Variants in DTD2 observed in about 807,000 individuals in gnomAD.
The protein encoded by DTD2 is D-aminoacyl-tRNA deacylase 2, also known as D-tyrosyl-tRNA deacylase 2 (putative).
Under a neutral mutation model 15.5 loss-of-function variants are expected in DTD2, and 12 were observed. The observed-to-expected ratio is 0.77, with a 90% CI of 0.50 to 1.25. The LOEUF is 1.25. DTD2 is among the 50% of genes most tolerant of loss of function. The pLI is 0.00. For synonymous variants in DTD2, 59 were observed against 77.3 expected, an observed-to-expected ratio of 0.76 and a Z score of 1.24; for missense variants, 170 against 201.1, an observed-to-expected ratio of 0.85 and a Z score of 0.93.
In DTD2 at chr14:31,447,805, G is replaced by A; in HGVS notation, c.*324C>T. The A allele has an allele frequency of 5.2e-6, 1 of 190,556 alleles. No homozygotes were observed. Among genetic ancestry groups the A allele is most frequent in the South Asian group, 1.1e-4 (1 of 8,994 alleles). 11.8% of individuals were successfully genotyped at this position (190,556 alleles called of 1,614,324 possible). ...CACTGCACTCCAGTCTGGCGACAGA[G>A]CAAGACTCCATCTCAAAAAAAAAAC... On this transcript the variant is annotated 3_prime_UTR_variant, in exon 3 of 3. Coordinates refer to ENST00000310850, the MANE Select transcript of DTD2 (RefSeq NM_080664.3).
Position 31,448,378 on chromosome 14 carries a change from G to A in DTD2, c.258C>T (p.Asn86=), listed in dbSNP as rs749193818. ...GGGTAGCTTGAGGGATAATAAGAAT[G>A]TTGCCAGGTAGATCCAATATAGAGA... ...KHVSILDLPG[N]ILIIPQATLG... The change falls in exon 3 of 3, where the codon AAC becomes AAT. Residue 86 remains asparagine, a synonymous_variant. Transcript: ENST00000310850. The A allele has an allele frequency of 6.2e-7, 1 of 1,614,184 alleles. No homozygotes were observed. The highest frequency in any genetic ancestry group is 1.7e-5 in the Admixed American group (1 of 60,034).
intron 2 of DTD2, among the ~76,000 whole-genome samples, chr14:31,449,234 G>A (rs1032415601): frequency 6.6e-5 from 10 of 152,262 alleles, no homozygotes; most frequent in East Asian, 3.9e-4. Flanking sequence ...CAATTTTAGC[G>A]CAGTTATTAT....
At chr14:31,448,961 T>G (rs554831746) in intron 2 of DTD2, among the ~76,000 whole-genome samples, 2 of 152,350 alleles carry the variant, frequency 1.3e-5, no homozygotes, top group South Asian at 4.1e-4. Context: ...TGGCGTGATC[T>G]CTGCTCACTG....
intron 2 of DTD2, among the ~76,000 whole-genome samples, chr14:31,449,689 G>C (rs2032007436): frequency 6.6e-6 from 1 of 152,152 alleles, no homozygotes; most frequent in African/African-American, 2.4e-5. Context: ...CCTCTATAAA[G>C]GTATACATGA....
intron 2 of DTD2, chr14:31,452,112 G>T (rs926322246): frequency 9.2e-5 from 14 of 152,146 alleles, no homozygotes; most frequent in African/African-American, 2.9e-4. Context: ...AGGAGGTGTG[G>T]CTGTGATGAC....
Position 31,448,186 on chromosome 14 carries a change from G to C in DTD2, c.450C>G (p.Asn150Lys). 6.2e-7 allele frequency: 1 copy of C among 1,614,124 alleles called. No individual in the cohort carries two copies. The change falls in exon 3 of 3, where the codon AAC (asparagine) becomes AAG (lysine). Residue 150 changes from asparagine (N) to lysine (K), a missense_variant. By Grantham distance (94) the Asn-to-Lys change is moderately conservative. Coordinates refer to ENST00000310850, the MANE Select transcript of DTD2 (RefSeq NM_080664.3). ...RVVVEHGTYG[N>K]RQVLKLDTNG... ...TGGTGTCCAGCTTTAACACCTGCCT[G>C]TTCCCATAAGTGCCATGTTCCACTA...
Position 31,453,256 on chromosome 14 carries a change from A to G in DTD2, c.181+19T>C, listed in dbSNP as rs1475060950. 6 of 1,613,438 alleles carry G rather than the reference A, an allele frequency of 3.7e-6. No homozygotes were observed. In the South Asian group the frequency reaches 5.5e-5, roughly 15 times the overall value. On this transcript the variant is annotated intron_variant, in intron 2 of 2. Coordinates refer to ENST00000310850, the MANE Select transcript of DTD2 (RefSeq NM_080664.3). The stretch of plus-strand genomic sequence containing the variant: ...CTTGGCCTCTCACTCTTAAAAAAGA[A>G]ACAAAGTCAAACACATACCCATTTT...
At chr14:31,457,204 G>A in intron 1 of DTD2, 79 bp downstream of exon 1, 1 of 1,316,470 alleles carries the variant, frequency 7.6e-7, no homozygotes, top group Non-Finnish European at 1.1e-6. Flanking sequence ...GAGACACAGA[G>A]CGGACGAGTC....
chr14:31,455,186 AAGAT>A (rs1412656519), intron 1 of DTD2, among the ~76,000 whole-genome samples: 1 of 152,216 alleles, frequency 6.6e-6, no homozygotes, highest in African/African-American at 2.4e-5. Context: ...CAACATAAAA[AAGAT>A]AAATAAGCAT....
intron 2 of DTD2, chr14:31,451,974 A>G (rs1428087124): frequency 6.6e-6 from 1 of 152,206 alleles, no homozygotes; most frequent in African/African-American, 2.4e-5. Context: ...TGCTATAGCT[A>G]TGTGAGATAG....
intron 2 of DTD2, among the ~76,000 whole-genome samples, chr14:31,451,158 T>TTC (rs929804824): frequency 6.7e-6 from 1 of 150,230 alleles, no homozygotes; most frequent in African/African-American, 2.5e-5. Context: ...TTTTTTTTTT[T>TTC]TTTTTTTGAG....
intron 1 of DTD2, 179 bp downstream of exon 1, chr14:31,457,104 G>T (rs1231101328): frequency 3.3e-6 from 2 of 604,688 alleles, no homozygotes; most frequent in South Asian, 3.8e-5. Flanking sequence ...GGTGATGCTG[G>T]ACCGAAAAGA....
At chr14:31,455,176 C>T (rs1566797515) in intron 1 of DTD2, among the ~76,000 whole-genome samples, 1 of 151,924 alleles carries the variant, frequency 6.6e-6, no homozygotes, top group Non-Finnish European at 1.5e-5. Context: ...GTAGCCTGAA[C>T]AACATAAAAA....
intron 1 of DTD2, among the ~76,000 whole-genome samples, chr14:31,456,046 A>C (rs1278456759): frequency 6.6e-6 from 1 of 152,244 alleles, no homozygotes; most frequent in African/African-American, 2.4e-5. Context: ...ACAGGGCAAC[A>C]GATTCTGATT....
In DTD2 at chr14:31,447,553, G is replaced by C. The variant is rs2031974798; in HGVS notation, c.*576C>G. The C allele has an allele frequency of 6.6e-6, 1 of 152,034 alleles. No homozygotes were observed. The highest frequency in any genetic ancestry group is 2.4e-5 in the African/African-American group (1 of 41,426). 9.4% of individuals were successfully genotyped at this position (152,034 alleles called of 1,614,324 possible). ...AACAACTAAGAGGCCGGGCACGGTG[G>C]CTCATGCCTGTAGTCCCAGCACTTT... On this transcript the variant is annotated 3_prime_UTR_variant, in exon 3 of 3. Coordinates refer to ENST00000310850, the MANE Select transcript of DTD2 (RefSeq NM_080664.3).
intron 2 of DTD2, among the ~76,000 whole-genome samples, chr14:31,450,961 T>A (rs1204961830): frequency 6.6e-6 from 1 of 152,204 alleles, no homozygotes; most frequent in African/African-American, 2.4e-5. Flanking sequence ...CTTTATGAAG[T>A]CAATCTTAAG....
At chr14:31,449,033 A>G (rs2031997835) in intron 2 of DTD2, among the ~76,000 whole-genome samples, 2 of 152,154 alleles carry the variant, frequency 1.3e-5, no homozygotes, top group Admixed American at 6.5e-5. Flanking sequence ...AGCTGGGACT[A>G]CAGGTGCGTG....
At chr14:31,455,783 T>C (rs1182483083) in intron 1 of DTD2, among the ~76,000 whole-genome samples, 1 of 151,606 alleles carries the variant, frequency 6.6e-6, no homozygotes, top group African/African-American at 2.4e-5. Context: ...GATTTCAACA[T>C]GTTGGCCAGG....
At chr14:31,449,744 G>A (rs1037648599) in intron 2 of DTD2, among the ~76,000 whole-genome samples, 1 of 152,164 alleles carries the variant, frequency 6.6e-6, no homozygotes, top group African/African-American at 2.4e-5. Context: ...ATGGTAGAAG[G>A]AACTACATAA....
Sources: allele counts gnomAD v4.1 joint callset (sites outside exome capture counted in the v4.1 genomes callset), GRCh38; gene constraint gnomAD v4.1.1; transcripts MANE v1.5; gene names NCBI Gene and HGNC (gene_info 2026-07-23, HGNC 2026-07-21).